The following NELFB variants were observed in gnomAD, a reference collection of about 807,000 sequenced individuals.
The protein encoded by NELFB is negative elongation factor B.
A neutral mutation model predicts 60.2 loss-of-function variants in NELFB; 34 were observed. That is an observed-to-expected ratio of 0.56 (90% CI 0.43 to 0.75). NELFB has a LOEUF of 0.75. Ranked by LOEUF, NELFB falls within the 30% of genes least tolerant of loss-of-function variation. The pLI, the probability that NELFB is intolerant of heterozygous loss-of-function variation, is 0.00. For synonymous variants in NELFB, 459 were observed against 382.1 expected (o/e 1.20, Z -2.35); for missense variants, 770 against 831.6 (o/e 0.93, Z 0.91).
rs761977903 is a variant in NELFB, at chr9:137,257,014, A to C, written c.701A>C (p.Asn234Thr). ...AGTACAGAGCTCTCTGTCCTGCACA[A>C]CTTTTTCAGTCCTTCCCCCAAGACC... Residue 234 changes from asparagine to threonine, a missense_variant, in exon 4 of 13, where the codon AAC (asparagine) becomes ACC (threonine). Physicochemically the swap from Asn to Thr is moderately conservative, Grantham distance 65. Transcript: ENST00000343053. 6.2e-7 allele frequency: 1 copy of C among 1,613,410 alleles called. No individual in the cohort carries two copies. The highest frequency in any genetic ancestry group is 8.5e-7 in the Non-Finnish European group (1 of 1,179,734).
At chr9:137,257,808 CTTTTTTTTTCTTTTT>C (rs1837580237) in intron 4 of NELFB, among the ~76,000 whole-genome samples, 1 of 16,398 alleles carries the variant, frequency 6.1e-5, no homozygotes, top group Non-Finnish European at 2.4e-4. Flanking sequence ...GGCTTTTTTT[CTTTTTTTTTCTTTTT>C]TAAGAGACAG....
In NELFB at chr9:137,257,022, A is replaced by T. The variant is rs1290959966; in HGVS notation, c.709A>T (p.Ser237Cys). Reference sequence around the variant, plus strand: ...GCTCTCTGTCCTGCACAACTTTTTCAGTCCTTCCCCCAAGACCAGGCGCCA... The same window carrying T: ...GCTCTCTGTCCTGCACAACTTTTTCTGTCCTTCCCCCAAGACCAGGCGCCA... Residue 237 changes from serine (S) to cysteine (C), a missense_variant, in exon 4 of 13, where the codon AGT becomes TGT. Transcript: ENST00000343053. The T allele has an allele frequency of 1.2e-6, 2 of 1,613,154 alleles. No individual in the cohort carries two copies. The highest frequency in any genetic ancestry group is 2.7e-5 in the African/African-American group (2 of 74,934).
chr9:137,261,033 C>T (rs573007351), intron 4 of NELFB, among the ~76,000 whole-genome samples: 1 of 147,978 alleles, frequency 6.8e-6, no homozygotes, highest in South Asian at 2.1e-4. Flanking sequence ...TACTAGGCGA[C>T]AGAGTGAGAC....
chr9:137,265,928 G>C lies in NELFB; in HGVS notation c.1092G>C (p.Leu364=). 6.2e-7 allele frequency: 1 copy of C among 1,613,244 alleles called. No homozygotes were observed. The highest frequency in any genetic ancestry group is 8.5e-7 in the Non-Finnish European group (1 of 1,179,952). The change falls in exon 7 of 13, where the codon CTG becomes CTC. Residue 364 remains leucine, a synonymous_variant. Transcript: ENST00000343053. ...CCTTCGCCATCAACACGCTGGCACTGAGCACAGTCAGGCACCTGCAGGAGC... is the reference window on the plus strand; with the variant it reads ...CCTTCGCCATCAACACGCTGGCACTCAGCACAGTCAGGCACCTGCAGGAGC...
At chr9:137,260,428 T>C (rs1195244777) in intron 4 of NELFB, among the ~76,000 whole-genome samples, 1 of 147,876 alleles carries the variant, frequency 6.8e-6, no homozygotes, top group African/African-American at 2.5e-5. Context: ...TAATTTTATA[T>C]TTTGTTTTAT....
At chr9:137,262,955 C>A in intron 4 of NELFB, 82 bp from the exon 5 acceptor site, 14 of 1,473,290 alleles carry the variant, frequency 9.5e-6, no homozygotes, top group Non-Finnish European at 1.3e-5. Context: ...AGAGAGAGGG[C>A]CGCGCTGTCG....
intron 4 of NELFB, among the ~76,000 whole-genome samples, 165 bp from the exon 5 acceptor site, chr9:137,262,872 C>A (rs1171771172): frequency 1.3e-5 from 2 of 152,202 alleles, no homozygotes; most frequent in East Asian, 3.9e-4. Flanking sequence ...AACCTGCTAC[C>A]ATCAGACTGG....
At chr9:137,259,900 ATT>A (rs1188166723) in intron 4 of NELFB, among the ~76,000 whole-genome samples, 1 of 129,206 alleles carries the variant, frequency 7.7e-6, no homozygotes, top group African/African-American at 2.9e-5. Context: ...AATTTTTTGT[ATT>A]TTTTTTTTTA....
intron 1 of NELFB, 109 bp downstream of exon 1, chr9:137,255,720 T>TG: frequency 2.1e-6 from 3 of 1,428,206 alleles, no homozygotes; most frequent in Admixed American, 4.2e-5. Flanking sequence ...TGCTGGTGGC[T>TG]GAGTCCTGTT....
rs1219268265 is a variant in NELFB, at chr9:137,255,429, G to A, written c.64G>A (p.Ala22Thr). 6 of 1,232,310 alleles carry A rather than the reference G, an allele frequency of 4.9e-6. No homozygotes were observed. In the South Asian group the frequency reaches 1.2e-4, roughly 24 times the overall value. The allele number at this position is 1,232,310 out of a possible 1,614,324, so 76.3% of individuals were successfully genotyped here. ...CGGTCCCCGAGGCCCGGCGGAGCGG[G>A]CTTCTGGGGTGTCTGCGGCGGCGCC... Residue 22 changes from alanine (A) to threonine (T), a missense_variant, in exon 1 of 13, where the codon GCT becomes ACT. Physicochemically the swap from Ala to Thr is moderately conservative, Grantham distance 58. Transcript: ENST00000343053.
chr9:137,273,020 GTC>G lies in NELFB; in HGVS notation c.*98_*99del. ...CTCCCGGACCTGGATGTACAGGGCA[GTC>G]TCTCTTCCCGGGGCTATGGCTGGGC... On this transcript the variant is annotated 3_prime_UTR_variant, in exon 13 of 13. Coordinates refer to ENST00000343053, the MANE Select transcript of NELFB (RefSeq NM_015456.5). 5 of 1,352,302 alleles carry G rather than the reference GTC, an allele frequency of 3.7e-6. No individual in the cohort carries two copies. The highest frequency in any genetic ancestry group is 4.9e-6 in the Non-Finnish European group (5 of 1,018,728). The allele number at this position is 1,352,302 out of a possible 1,614,324, so 83.8% of individuals were successfully genotyped here.
At chr9:137,268,935 C>T (rs150722708) in intron 10 of NELFB, among the ~76,000 whole-genome samples, 297 of 152,246 alleles carry the variant, frequency 2.0e-3, no homozygotes, top group African/African-American at 6.3e-3. Context: ...CACAGACAGA[C>T]GGAGACAGAG....
chr9:137,271,315 TG>T (rs1337155246), intron 10 of NELFB, among the ~76,000 whole-genome samples: 2 of 152,258 alleles, frequency 1.3e-5, no homozygotes, highest in Non-Finnish European at 2.9e-5. Context: ...TGGCGCCAGC[TG>T]GGTTGTCCTC....
intron 10 of NELFB, among the ~76,000 whole-genome samples, chr9:137,270,280 C>CA (rs989557010): frequency 0.036 from 1,927 of 52,808 alleles, 70 homozygotes; most frequent in East Asian, 0.24. Context: ...GACTCCGTCT[C>CA]AAAAAAAAAA....
intron 7 of NELFB, 151 bp from the exon 8 acceptor site, chr9:137,266,180 C>T (rs982950933): frequency 1.7e-5 from 13 of 756,632 alleles, no homozygotes; most frequent in Admixed American, 5.3e-5. Flanking sequence ...TGTGAGACTG[C>T]GTTTCACCCC....
At chr9:137,261,339 CA>C (rs749817003) in intron 4 of NELFB, among the ~76,000 whole-genome samples, 5,452 of 65,538 alleles carry the variant, frequency 0.083, 129 homozygotes, top group South Asian at 0.13. Flanking sequence ...GACTCGGTTT[CA>C]AAAAAAAAAA....
intron 10 of NELFB, among the ~76,000 whole-genome samples, chr9:137,271,208 C>G (rs1830579983): frequency 6.6e-6 from 1 of 152,274 alleles, no homozygotes; most frequent in Non-Finnish European, 1.5e-5. Context: ...CCGTGGCCAC[C>G]TGGCCATGTG....
chr9:137,270,208 G>C (rs1295222772), intron 10 of NELFB, among the ~76,000 whole-genome samples: 1 of 151,566 alleles, frequency 6.6e-6, no homozygotes, highest in East Asian at 1.9e-4. Flanking sequence ...TTGAACCTGG[G>C]AGGCAGAGGT....
chr9:137,258,593 C>T (rs145059291), intron 4 of NELFB, among the ~76,000 whole-genome samples: 2,666 of 149,144 alleles, frequency 0.018, 84 homozygotes, highest in East Asian at 0.14. Context: ...AGACTACAGG[C>T]GCGCCCCACC....
Sources: gnomAD v4.1 joint callset for allele counts (sites outside exome capture counted in the v4.1 genomes callset) on GRCh38, gnomAD v4.1.1 for gene constraint, MANE v1.5 for transcripts, NCBI Gene and HGNC (gene_info 2026-07-23, HGNC 2026-07-21) for gene names.